The following ASIC2 variants were observed in gnomAD, a reference collection of about 807,000 sequenced individuals.
ASIC2 encodes the protein acid-sensing ion channel 2.
In ASIC2, 25 loss-of-function variants were observed where a neutral mutation model predicts 57.3. The ratio of observed to expected loss-of-function variants is 0.44; its 90% CI spans 0.32 to 0.61. The LOEUF (loss-of-function observed/expected upper bound fraction) is 0.61, where lower values mean the gene tolerates loss of function less well. Among genes scored for constraint, ASIC2 ranks in the 20% least tolerant of loss-of-function variants. ASIC2 has a pLI of 0.06. For missense variants in ASIC2, 641 were observed against 738.1 expected (o/e 0.87, Z 1.52); for synonymous variants, 319 against 307.5 (o/e 1.04, Z -0.39).
intron 1 of ASIC2, among the ~76,000 whole-genome samples, chr17:34,078,435 C>T (rs1170498369): frequency 1.3e-5 from 2 of 151,780 alleles, no homozygotes; most frequent in Non-Finnish European, 2.9e-5. Context: ...GCTGTGTAGA[C>T]TCTACCCACT....
At chr17:33,662,571 C>T (rs373970238) in intron 1 of ASIC2, among the ~76,000 whole-genome samples, 15 of 150,302 alleles carry the variant, frequency 1.0e-4, no homozygotes, top group South Asian at 6.3e-4. Context: ...TGCAGTGAGC[C>T]GAGATCATGC....
intron 1 of ASIC2, among the ~76,000 whole-genome samples, chr17:33,926,428 A>G (rs899919410): frequency 6.6e-6 from 1 of 152,208 alleles, no homozygotes; most frequent in Non-Finnish European, 1.5e-5. Context: ...GTCTAAGCAC[A>G]AAATTTATAT....
chr17:33,276,652 C>T (rs917534564), intron 1 of ASIC2, among the ~76,000 whole-genome samples: 9 of 152,186 alleles, frequency 5.9e-5, no homozygotes, highest in African/African-American at 1.9e-4. Flanking sequence ...GTTGCCATTT[C>T]TCCGTTCACA....
At chr17:33,297,823 A>AAAATAAATAAAT (rs200008797), upstream of ASIC2, among the ~76,000 whole-genome samples, 51 of 141,566 alleles carry the variant, frequency 3.6e-4, no homozygotes, top group South Asian at 1.2e-3. Context: ...ACCCTGTCTC[A>AAAATAAATAAAT]AAATAAATAA....
At chr17:33,876,075 C>G (rs1363508949) in intron 1 of ASIC2, among the ~76,000 whole-genome samples, 1 of 152,140 alleles carries the variant, frequency 6.6e-6, no homozygotes, top group Admixed American at 6.6e-5. Context: ...TACTTGGGAT[C>G]GAGATTCAAA....
chr17:34,074,170 C>A (rs977573591), intron 1 of ASIC2, among the ~76,000 whole-genome samples: 9 of 152,134 alleles, frequency 5.9e-5, no homozygotes, highest in Non-Finnish European at 8.8e-5. Flanking sequence ...AGTGTAAGAA[C>A]CAGCAACCTA....
chr17:33,501,346 C>T (rs1914095613), intron 1 of ASIC2, among the ~76,000 whole-genome samples: 1 of 152,194 alleles, frequency 6.6e-6, no homozygotes, highest in Admixed American at 6.5e-5. Context: ...GGGAGGCAGA[C>T]ACATGTCAGA....
intron 1 of ASIC2, among the ~76,000 whole-genome samples, chr17:33,586,643 T>C (rs185438903): frequency 6.6e-6 from 1 of 152,360 alleles, no homozygotes. Flanking sequence ...TCTTCAATTA[T>C]TATTGCTTGT....
At chr17:33,050,344 G>C (rs2091970449) in intron 3 of ASIC2, among the ~76,000 whole-genome samples, 1 of 152,146 alleles carries the variant, frequency 6.6e-6, no homozygotes, top group Non-Finnish European at 1.5e-5. Context: ...ATGCTCAAGA[G>C]ACCATGGTCT....
intron 1 of ASIC2, among the ~76,000 whole-genome samples, chr17:34,090,463 G>A (rs1012873300): frequency 6.6e-6 from 1 of 151,426 alleles, no homozygotes; most frequent in Non-Finnish European, 1.5e-5. Flanking sequence ...CATGCCGGTT[G>A]TGGTACAGGG....
intron 1 of ASIC2, among the ~76,000 whole-genome samples, chr17:33,301,705 A>G (rs747963919): frequency 3.3e-5 from 5 of 152,214 alleles, no homozygotes; most frequent in Non-Finnish European, 7.3e-5. Context: ...GGCAATTTAA[A>G]TAAAGCATGA....
intron 1 of ASIC2, among the ~76,000 whole-genome samples, chr17:33,881,955 C>T (rs1197089449): frequency 6.6e-6 from 1 of 151,980 alleles, no homozygotes; most frequent in Non-Finnish European, 1.5e-5. Context: ...AAATAATACC[C>T]CACATCTACA....
chr17:33,137,414 T>C lies in ASIC2; in HGVS notation c.709-25347A>G, dbSNP rs146877033. Among the ~76,000 whole-genome samples the C allele has an allele frequency of 9.2e-4, 140 of 152,318 alleles. 2 individuals are homozygous for C. The highest frequency in any genetic ancestry group is 3.3e-3 in the African/African-American group (137 of 41,572). On this transcript the variant is annotated intron_variant, in intron 1 of 9. Transcript: ENST00000225823. ...GCTAGAATTTAAGGGCAATGGTACATTTGAAGGTGACTTCAGGAAGACCTA... is the reference window on the plus strand; with the variant it reads ...GCTAGAATTTAAGGGCAATGGTACACTTGAAGGTGACTTCAGGAAGACCTA...
chr17:33,261,468 G>T (rs17248867), intron 1 of ASIC2, among the ~76,000 whole-genome samples: 17,928 of 152,154 alleles, frequency 0.12, 1,424 homozygotes, highest in South Asian at 0.23. Context: ...CTTTGTCATG[G>T]GCCTCTGGTG....
chr17:34,146,461 G>T (rs986665556), intron 1 of ASIC2, among the ~76,000 whole-genome samples: 1 of 152,118 alleles, frequency 6.6e-6, no homozygotes, highest in Admixed American at 6.5e-5. Context: ...GCCTAGAAGC[G>T]GGAAGGGGAA....
Position 34,156,670 on chromosome 17 carries a change from T to A in ASIC2, c.-138A>T. On this transcript the variant is annotated 5_prime_UTR_variant, in exon 1 of 10. Coordinates refer to the ASIC2 transcript ENST00000359872. The surrounding 1 kb of genome is among the most constrained non-coding windows in gnomAD (Gnocchi z 4.4). ...AAGCATCGCGCCAGATGCTGTGAGT[T>A]TATCCTGAGAGCCCAGCCGCACGCT... The A allele has an allele frequency of 1.1e-6, 1 of 906,180 alleles. No homozygotes were observed. The highest frequency in any genetic ancestry group is 1.6e-6 in the Non-Finnish European group (1 of 614,592). 56.1% of individuals were successfully genotyped at this position (906,180 alleles called of 1,614,324 possible).
intron 1 of ASIC2, among the ~76,000 whole-genome samples, chr17:33,953,844 G>C (rs868839379): frequency 6.6e-5 from 10 of 152,168 alleles, no homozygotes; most frequent in Non-Finnish European, 1.5e-5. Flanking sequence ...AGTATATTAA[G>C]AGGAAGGATC....
chr17:33,840,554 G>T (rs143153656), intron 1 of ASIC2, among the ~76,000 whole-genome samples: 1 of 152,286 alleles, frequency 6.6e-6, no homozygotes, highest in Non-Finnish European at 1.5e-5. Flanking sequence ...GAGCTAAGAT[G>T]TTTGGAATTT....
chr17:33,788,215 GA>G (rs968737914), intron 1 of ASIC2, among the ~76,000 whole-genome samples: 31 of 149,552 alleles, frequency 2.1e-4, no homozygotes, highest in East Asian at 5.9e-4. Context: ...ATATTTACAA[GA>G]AAAAAAAACC....
Sources: gnomAD v4.1 joint callset for allele counts (sites outside exome capture counted in the v4.1 genomes callset) on GRCh38, gnomAD v4.1.1 for gene constraint, Gnocchi (gnomAD v3.1) non-coding constraint, MANE v1.5 for transcripts, NCBI Gene and HGNC (gene_info 2026-07-23, HGNC 2026-07-21) for gene names.